The following PARD3 variants were observed in gnomAD, a reference collection of about 807,000 sequenced individuals.
The protein encoded by PARD3 is par-3 family cell polarity regulator.
A neutral mutation model predicts 155.4 loss-of-function variants in PARD3; 75 were observed. That is an observed-to-expected ratio of 0.48 (90% confidence interval 0.40 to 0.58). The LOEUF (loss-of-function observed/expected upper bound fraction) is 0.58. Among genes scored for constraint, PARD3 ranks in the 20% least tolerant of loss-of-function variants. The pLI, the probability that PARD3 is intolerant of heterozygous loss-of-function variation, is 0.00. For synonymous variants in PARD3, 576 were observed against 610.5 expected, an observed-to-expected ratio of 0.94 and a Z score of 0.83; for missense variants, 1,642 against 1,721.7, an observed-to-expected ratio of 0.95 and a Z score of 0.82.
At chr10:34,181,286 G>A (rs1950255333) in intron 22 of PARD3, among the ~76,000 whole-genome samples, 1 of 152,180 alleles carries the variant, frequency 6.6e-6, no homozygotes, top group Non-Finnish European at 1.5e-5. Flanking sequence ...CATAAACACT[G>A]ATCAGCCAGC....
Position 34,345,455 on chromosome 10 carries a change from A to G in PARD3, c.2218+2510T>C, listed in dbSNP as rs1483167315. On this transcript the variant is annotated intron_variant, in intron 15 of 24. Transcript: ENST00000374788. ...AATTTCAATACAAAGTTCCTTTTGT[A>G]TCATAGCAGATCATGAAGTAAATAC... The G allele has an allele frequency of 4.1e-6, 4 of 985,044 alleles. No individual in the cohort carries two copies. In the East Asian group the frequency reaches 4.5e-4, roughly 112 times the overall value. 61.0% of individuals were successfully genotyped at this position (985,044 alleles called of 1,614,324 possible).
At chr10:34,318,942 T>G (rs1958194489) in intron 19 of PARD3, among the ~76,000 whole-genome samples, 3 of 150,944 alleles carry the variant, frequency 2.0e-5, no homozygotes, top group Admixed American at 2.0e-4. Flanking sequence ...ATTTTTTGTA[T>G]TTTTAGTAGT....
chr10:34,488,386 C>A (rs540101438), intron 3 of PARD3, among the ~76,000 whole-genome samples: 13 of 152,224 alleles, frequency 8.5e-5, no homozygotes, highest in African/African-American at 3.1e-4. Context: ...GTGATGCAAT[C>A]TGGGCTCACT....
At chr10:34,773,497 G>A in intron 1 of PARD3, among the ~76,000 whole-genome samples, 1 of 152,174 alleles carries the variant, frequency 6.6e-6, no homozygotes, top group Non-Finnish European at 1.5e-5. Flanking sequence ...AGGACTGCAA[G>A]GGCATGAACA....
At position 34,570,675 on chromosome 10, in the gene PARD3, A is replaced by G. The variant is rs535814268; in HGVS notation, c.223-53516T>C. 1.1e-4 allele frequency among the ~76,000 whole-genome samples: 17 copies of G among 152,318 alleles called. No homozygotes were observed. In the South Asian group the frequency reaches 1.9e-3, roughly 17 times the overall value. On this transcript the variant is annotated intron_variant, in intron 2 of 24. Coordinates refer to ENST00000374788, the MANE Select transcript of PARD3 (RefSeq NM_001184785.2). ...TGTGGGTGAAATCCATGAATACTAC[A>G]TATCAGAAACCGAAAAATAAAATTT...
In PARD3 at chr10:34,699,643, T is replaced by C. The variant is rs553397220; in HGVS notation, c.121-3224A>G. ...GTAGGAATCTCTACTGTCCAGTCCA[T>C]AGACACTCAGAAATGTAGCTGAGCA... On this transcript the variant is annotated intron_variant, in intron 1 of 24. Coordinates refer to ENST00000374788, the MANE Select transcript of PARD3 (RefSeq NM_001184785.2). Among the ~76,000 whole-genome samples the C allele has an allele frequency of 2.6e-4, 40 of 152,280 alleles. No individual in the cohort carries two copies. In the South Asian group the frequency reaches 5.6e-3, roughly 21 times the overall value.
intron 22 of PARD3, among the ~76,000 whole-genome samples, chr10:34,131,853 T>G (rs1947633568): frequency 6.6e-6 from 1 of 152,176 alleles, no homozygotes; most frequent in Non-Finnish European, 1.5e-5. Flanking sequence ...TTTCATTTCC[T>G]TTCTGTAATC....
intron 22 of PARD3, among the ~76,000 whole-genome samples, chr10:34,185,263 C>T (rs1350424506): frequency 1.3e-5 from 2 of 152,198 alleles, no homozygotes; most frequent in Admixed American, 1.3e-4. Context: ...GTTATGTAAG[C>T]ATTGTCCTGG....
At chr10:34,730,018 C>T (rs1212212604) in intron 1 of PARD3, among the ~76,000 whole-genome samples, 1 of 152,056 alleles carries the variant, frequency 6.6e-6, no homozygotes, top group Non-Finnish European at 1.5e-5. Context: ...TGAACCAGAC[C>T]TAAAGAGCAA....
chr10:34,561,136 A>C lies in PARD3; in HGVS notation c.223-43977T>G, dbSNP rs534482579. Reference sequence around the variant, plus strand: ...TCTGAATACTCCAAACGTGTGATGCAAATTATACCGACTCTAATCTTGAGG... The same window carrying C: ...TCTGAATACTCCAAACGTGTGATGCCAATTATACCGACTCTAATCTTGAGG... On this transcript the variant is annotated intron_variant, in intron 2 of 24. Transcript: ENST00000374788. 7.9e-4 allele frequency among the ~76,000 whole-genome samples: 120 copies of C among 152,308 alleles called. 6 individuals are homozygous for C. In the South Asian group the frequency reaches 0.025, roughly 31 times the overall value.
intron 24 of PARD3, among the ~76,000 whole-genome samples, chr10:34,113,023 C>T (rs1379249345): frequency 6.6e-6 from 1 of 152,146 alleles, no homozygotes; most frequent in East Asian, 1.9e-4. Flanking sequence ...TACCCAGAGA[C>T]AAGACTGTTG....
chr10:34,366,934 C>A (rs1475841964), intron 12 of PARD3, among the ~76,000 whole-genome samples: 2 of 152,072 alleles, frequency 1.3e-5, no homozygotes, highest in African/African-American at 2.4e-5. Context: ...CAGTAAAGTT[C>A]AAATGTCATA....
rs568186391 is a variant in PARD3 at position 34,275,069 on chromosome 10, T to A, written c.3177-5170A>T. Among the ~76,000 whole-genome samples, 4 of 152,288 alleles carry A rather than the reference T, an allele frequency of 2.6e-5. No homozygotes were observed. The East Asian group carries it at 7.7e-4, about 29-fold the overall frequency. On this transcript the variant is annotated intron_variant, in intron 21 of 24. Transcript: ENST00000374788. ...TGAAGTACTATTTATAAAGCCCAGA[T>A]CTCAGCTGCCTTCTTTTACCCAAAT...
chr10:34,646,274 C>T (rs187955888), intron 2 of PARD3, among the ~76,000 whole-genome samples: 5 of 152,278 alleles, frequency 3.3e-5, no homozygotes, highest in Admixed American at 1.3e-4. Flanking sequence ...AAAACAAACT[C>T]AACTCCCTGA....
At chr10:34,662,825 T>C (rs768650018) in intron 2 of PARD3, among the ~76,000 whole-genome samples, 5 of 148,686 alleles carry the variant, frequency 3.4e-5, no homozygotes, top group African/African-American at 1.3e-4. Flanking sequence ...TGAGGTGAGA[T>C]AGTGCCACTG....
intron 2 of PARD3, among the ~76,000 whole-genome samples, chr10:34,681,746 ATATATATATATATATATATATATTTTT>A (rs2093831191): frequency 2.0e-4 from 3 of 14,890 alleles, no homozygotes; most frequent in African/African-American, 1.0e-3. Flanking sequence ...ATATATATAT[ATATATATATATATATATATATATTTTT>A]TTTTTTTTTT....
chr10:34,507,890 G>A (rs899377230), intron 3 of PARD3, among the ~76,000 whole-genome samples: 2 of 152,130 alleles, frequency 1.3e-5, no homozygotes, highest in African/African-American at 4.8e-5. Context: ...TGTATGCCAT[G>A]CTCCACTTCA....
chr10:34,479,924 G>GTATATA (rs2078964828), intron 3 of PARD3, among the ~76,000 whole-genome samples: 1 of 152,192 alleles, frequency 6.6e-6, no homozygotes, highest in African/African-American at 2.4e-5. Flanking sequence ...ACAACAAAGG[G>GTATATA]TATAGTGCCC....
chr10:34,142,702 A>T (rs1168082958), intron 22 of PARD3, among the ~76,000 whole-genome samples: 2 of 150,280 alleles, frequency 1.3e-5, no homozygotes, highest in Non-Finnish European at 2.9e-5. Context: ...TTCTTGGCAC[A>T]ATGCAAGAAA....
Sources: allele counts gnomAD v4.1 joint callset (sites outside exome capture counted in the v4.1 genomes callset), GRCh38; gene constraint gnomAD v4.1.1; transcripts MANE v1.5; gene names NCBI Gene and HGNC (gene_info 2026-07-23, HGNC 2026-07-21).